Variants in DAOA observed in about 807,000 individuals in gnomAD.
DAOA encodes D-amino acid oxidase regulator.
In DAOA, 15 loss-of-function variants were observed where a neutral mutation model predicts 16.4. The ratio of observed to expected loss-of-function variants is 0.91; its 90% CI spans 0.61 to 1.41. DAOA has a LOEUF of 1.41. Among genes scored for constraint, DAOA ranks in the 40% most tolerant of loss-of-function variants. DAOA has a pLI of 0.00. For missense variants in DAOA, 230 were observed against 176.8 expected, an observed-to-expected ratio of 1.30 and a Z score of -1.71; for synonymous variants, 75 against 59.1, an observed-to-expected ratio of 1.27 and a Z score of -1.23.
At chr13:105,479,987 G>A (rs59508366) in intron 4 of DAOA, among the ~76,000 whole-genome samples, 23,352 of 152,154 alleles carry the variant, frequency 0.15, 1,876 homozygotes, top group Non-Finnish European at 0.17. Context: ...TTTCTCTGAT[G>A]TCTTCTTTAG....
intron 4 of DAOA, 197 bp from the exon 5 acceptor site, chr13:105,489,704 G>A (rs1311596046): frequency 4.3e-6 from 5 of 1,162,944 alleles, no homozygotes; most frequent in Non-Finnish European, 5.9e-6. Flanking sequence ...ATATGTAGTT[G>A]TGGCAGTTAG....
At chr13:105,469,709 C>A (rs969691694) in intron 3 of DAOA, among the ~76,000 whole-genome samples, 2 of 152,118 alleles carry the variant, frequency 1.3e-5, no homozygotes, top group African/African-American at 2.4e-5. Flanking sequence ...TTCCTTCTTT[C>A]TGTCATAGCA....
Position 105,472,528 on chromosome 13 carries a change from A to G in DAOA, c.134-10A>G, listed in dbSNP as rs1566374918. The G allele has an allele frequency of 6.2e-7, 1 of 1,612,714 alleles. No individual in the cohort carries two copies. The highest frequency in any genetic ancestry group is 8.5e-7 in the Non-Finnish European group (1 of 1,179,248). Reference sequence around the variant, plus strand: ...ATATGTATTATATATCCACTTAAATACTGTTGCAGCAAAGGAGACAGAAGA... The same window carrying G: ...ATATGTATTATATATCCACTTAAATGCTGTTGCAGCAAAGGAGACAGAAGA... On this transcript the variant is annotated splice_polypyrimidine_tract_variant and intron_variant, in intron 3 of 5. Transcript: ENST00000375936.
chr13:105,470,951 T>C (rs926878196), intron 3 of DAOA, among the ~76,000 whole-genome samples: 72 of 152,206 alleles, frequency 4.7e-4, no homozygotes, highest in Non-Finnish European at 8.8e-4. Context: ...CCACCAAGCC[T>C]GGCTAATTTT....
intron 3 of DAOA, among the ~76,000 whole-genome samples, chr13:105,471,216 C>T (rs552378735): frequency 2.6e-5 from 4 of 152,200 alleles, no homozygotes; most frequent in Non-Finnish European, 5.9e-5. Flanking sequence ...ATGTGAGCCA[C>T]CACACCTGGC....
At chr13:105,467,449 A>T (rs992649611) in intron 3 of DAOA, among the ~76,000 whole-genome samples, 5 of 152,320 alleles carry the variant, frequency 3.3e-5, no homozygotes, top group Middle Eastern at 3.4e-3. Flanking sequence ...TATTTTTGTG[A>T]AGTGGGAATT....
intron 4 of DAOA, among the ~76,000 whole-genome samples, chr13:105,474,081 T>C (rs1877176813): frequency 6.6e-6 from 1 of 152,136 alleles, no homozygotes; most frequent in African/African-American, 2.4e-5. Flanking sequence ...TTTATCCGTG[T>C]TGAATATTTC....
chr13:105,468,221 C>G (rs552082771), intron 3 of DAOA, among the ~76,000 whole-genome samples: 1 of 152,190 alleles, frequency 6.6e-6, no homozygotes, highest in Non-Finnish European at 1.5e-5. Flanking sequence ...CGGTCGTTAA[C>G]ATTAATTACA....
intron 4 of DAOA, among the ~76,000 whole-genome samples, chr13:105,487,920 C>A (rs1395314776): frequency 1.3e-5 from 2 of 152,128 alleles, no homozygotes; most frequent in Non-Finnish European, 2.9e-5. Context: ...ATTTTGAATA[C>A]TTTTGCCACC....
chr13:105,479,888 T>G (rs1877588688), intron 4 of DAOA, among the ~76,000 whole-genome samples: 1 of 152,296 alleles, frequency 6.6e-6, no homozygotes, highest in Admixed American at 6.5e-5. Flanking sequence ...AATCAGAGTC[T>G]CTGCCATTTA....
chr13:105,480,034 C>G (rs770193651), intron 4 of DAOA, among the ~76,000 whole-genome samples: 1 of 151,946 alleles, frequency 6.6e-6, no homozygotes, highest in Non-Finnish European at 1.5e-5. Flanking sequence ...TAAAAGTACC[C>G]CTGAAAATAA....
At chr13:105,468,795 C>T (rs1461419789) in intron 3 of DAOA, among the ~76,000 whole-genome samples, 2 of 152,138 alleles carry the variant, frequency 1.3e-5, no homozygotes, top group African/African-American at 4.8e-5. Context: ...AACACTATTC[C>T]CTTCAGAGAT....
At chr13:105,487,936 G>A (rs1878246088) in intron 4 of DAOA, among the ~76,000 whole-genome samples, 1 of 152,056 alleles carries the variant, frequency 6.6e-6, no homozygotes, top group South Asian at 2.1e-4. Context: ...CCACCCCTGG[G>A]GACATGCTTT....
At chr13:105,481,793 A>G (rs1171779330) in intron 4 of DAOA, among the ~76,000 whole-genome samples, 1 of 152,182 alleles carries the variant, frequency 6.6e-6, no homozygotes, top group African/African-American at 2.4e-5. Context: ...TAATAACAAG[A>G]ATACTTTACC....
intron 4 of DAOA, chr13:105,475,117 G>A (rs960607940): frequency 1.1e-6 from 1 of 889,478 alleles, no homozygotes; most frequent in Non-Finnish European, 1.3e-6. Flanking sequence ...GAAAGCAGAA[G>A]TGAAGTCAGC....
At chr13:105,467,572 T>G (rs1311059477) in intron 3 of DAOA, 3 of 148,472 alleles carry the variant, frequency 2.0e-5, no homozygotes. Context: ...TGTCAACGTT[T>G]AATTCTTTTT....
chr13:105,484,302 T>TA (rs1390145314), intron 4 of DAOA, among the ~76,000 whole-genome samples: 1 of 152,132 alleles, frequency 6.6e-6, no homozygotes, highest in African/African-American at 2.4e-5. Context: ...AGAAAAGTGT[T>TA]ACAGCTGTAA....
Position 105,472,598 on chromosome 13 carries a change from A to G in DAOA, c.194A>G (p.His65Arg). Residue 65 changes from histidine to arginine, a missense_variant, in exon 4 of 6, where the codon CAT becomes CGT. Transcript: ENST00000375936. ...AGGAAAGAAGGATGGAAGAGAAGGCATGAGGACGGCTATTTGGAAATGGCA... is the reference window on the plus strand; with the variant it reads ...AGGAAAGAAGGATGGAAGAGAAGGCGTGAGGACGGCTATTTGGAAATGGCA... ...VTRKEGWKRR[H>R]EDGYLEMAQR... 3.1e-6 allele frequency: 5 copies of G among 1,614,130 alleles called. No homozygotes were observed. Among genetic ancestry groups the G allele is most frequent in the Non-Finnish European group, 4.2e-6 (5 of 1,179,982 alleles).
chr13:105,469,471 T>G (rs762778521), intron 3 of DAOA, among the ~76,000 whole-genome samples: 1 of 152,216 alleles, frequency 6.6e-6, no homozygotes, highest in South Asian at 2.1e-4. Context: ...CCAAAAATAA[T>G]GTACCAGTGG....
Sources: allele counts gnomAD v4.1 joint callset (sites outside exome capture counted in the v4.1 genomes callset), GRCh38; gene constraint gnomAD v4.1.1; transcripts MANE v1.5; gene names NCBI Gene and HGNC (gene_info 2026-07-23, HGNC 2026-07-21).